The following TCAIM variants were observed in gnomAD, a reference collection of about 807,000 sequenced individuals.
The protein encoded by TCAIM is T cell activation inhibitor, mitochondrial.
A neutral mutation model predicts 58.6 loss-of-function variants in TCAIM; 36 were observed. That is an observed-to-expected ratio of 0.61 (90% CI 0.47 to 0.81). The LOEUF is 0.81. TCAIM is among the 30% of genes least tolerant of loss of function. TCAIM has a pLI of 0.00. For synonymous variants in TCAIM, 172 were observed against 193.6 expected (o/e 0.89, Z 0.93); for missense variants, 466 against 579.6 (o/e 0.80, Z 2.01).
At chr3:44,381,186 T>A (rs1358559175) in intron 5 of TCAIM, among the ~76,000 whole-genome samples, 1 of 152,172 alleles carries the variant, frequency 6.6e-6, no homozygotes. Flanking sequence ...ATCAGTGTGC[T>A]TTATGAACAT....
Position 44,408,951 on chromosome 3 carries a change from A to G in TCAIM, c.*1269A>G, listed in dbSNP as rs151290177. 1 of 152,254 alleles carries G rather than the reference A, an allele frequency of 6.6e-6. No individual in the cohort carries two copies. Among genetic ancestry groups the G allele is most frequent in the African/African-American group, 2.4e-5 (1 of 41,536 alleles). The allele number at this position is 152,254 out of a possible 1,614,324, so 9.4% of individuals were successfully genotyped here. ...TCGGGCAATATTTTTAACCAACCCA[A>G]AAGCTCTTCAGGTCATTTCTGAAGA... On this transcript the variant is annotated 3_prime_UTR_variant, in exon 11 of 11. Coordinates refer to ENST00000342649, the MANE Select transcript of TCAIM (RefSeq NM_173826.4).
intron 2 of TCAIM, among the ~76,000 whole-genome samples, chr3:44,356,907 C>T (rs912498573): frequency 6.7e-6 from 1 of 150,308 alleles, no homozygotes; most frequent in African/African-American, 2.5e-5. Context: ...ACCTGAGAGG[C>T]AGAAGATTGC....
intron 5 of TCAIM, among the ~76,000 whole-genome samples, chr3:44,389,057 C>T (rs1468801650): frequency 6.6e-6 from 1 of 152,162 alleles, no homozygotes. Context: ...TTTGGGAGGC[C>T]GAGGTGGGTG....
intron 5 of TCAIM, among the ~76,000 whole-genome samples, chr3:44,389,139 A>T (rs1008221547): frequency 6.6e-6 from 1 of 152,154 alleles, no homozygotes; most frequent in Non-Finnish European, 1.5e-5. Context: ...ATAATACAAA[A>T]ATTAGCCAGG....
chr3:44,369,258 ATTG>A (rs929519922), intron 5 of TCAIM, among the ~76,000 whole-genome samples: 27 of 152,208 alleles, frequency 1.8e-4, no homozygotes, highest in Admixed American at 1.1e-3. Flanking sequence ...GCGGGAGAAT[ATTG>A]TTGTACTTAT....
chr3:44,398,559 T>C (rs893042332), intron 8 of TCAIM, among the ~76,000 whole-genome samples: 11 of 152,038 alleles, frequency 7.2e-5, no homozygotes, highest in Non-Finnish European at 1.3e-4. Flanking sequence ...AGTTACATGC[T>C]GATAAGAATG....
intron 3 of TCAIM, among the ~76,000 whole-genome samples, chr3:44,360,561 C>T (rs1308430120): frequency 2.0e-5 from 3 of 149,860 alleles, no homozygotes; most frequent in Admixed American, 1.3e-4. Context: ...ATTCCTGTTT[C>T]GTTTACCCAG....
At chr3:44,347,400 A>G (rs11713835) in intron 1 of TCAIM, among the ~76,000 whole-genome samples, 100,082 of 152,080 alleles carry the variant, frequency 0.66, 33,655 homozygotes, top group East Asian at 0.97. Context: ...GAAGGCTTGC[A>G]GCAGTACAGC....
At chr3:44,349,549 AC>A (rs1553656339) in intron 1 of TCAIM, among the ~76,000 whole-genome samples, 4 of 151,898 alleles carry the variant, frequency 2.6e-5, no homozygotes, top group Non-Finnish European at 5.9e-5. Context: ...GGGGATACTT[AC>A]CCCCCAGGGG....
At chr3:44,387,643 C>A (rs540046651) in intron 5 of TCAIM, among the ~76,000 whole-genome samples, 1 of 152,262 alleles carries the variant, frequency 6.6e-6, no homozygotes, top group Non-Finnish European at 1.5e-5. Context: ...CACTCACACA[C>A]CCCTTGCCAC....
chr3:44,384,500 G>A (rs773083951), intron 5 of TCAIM, among the ~76,000 whole-genome samples: 1 of 152,176 alleles, frequency 6.6e-6, no homozygotes, highest in African/African-American at 2.4e-5. Context: ...CTTAAGACAC[G>A]TAGAGATAAA....
At chr3:44,383,389 C>T (rs1043449753) in intron 5 of TCAIM, among the ~76,000 whole-genome samples, 15 of 152,256 alleles carry the variant, frequency 9.9e-5, no homozygotes, top group African/African-American at 3.4e-4. Context: ...AATTCTGACA[C>T]AGGCTACAAC....
intron 3 of TCAIM, chr3:44,358,213 T>A: frequency 3.9e-6 from 6 of 1,550,230 alleles, no homozygotes; most frequent in Admixed American, 3.8e-5. Flanking sequence ...TTTTTTTTTT[T>A]AAGGATGATA....
intron 5 of TCAIM, among the ~76,000 whole-genome samples, chr3:44,388,367 A>G (rs777575608): frequency 1.1e-4 from 17 of 152,062 alleles, no homozygotes; most frequent in Non-Finnish European, 2.4e-4. Context: ...CTTGTCTTTC[A>G]TTACCTTGAT....
chr3:44,361,301 G>T, intron 3 of TCAIM, 64 bp from the exon 4 acceptor site: 1 of 1,362,192 alleles, frequency 7.3e-7, no homozygotes, highest in South Asian at 1.5e-5. Flanking sequence ...AGGTTAGATA[G>T]ATATCATTTC....
chr3:44,383,161 C>T (rs1437475598), intron 5 of TCAIM, among the ~76,000 whole-genome samples: 1 of 152,158 alleles, frequency 6.6e-6, no homozygotes, highest in Non-Finnish European at 1.5e-5. Context: ...AGTGCAGCTG[C>T]TATGGAAGAT....
chr3:44,400,759 A>G, intron 9 of TCAIM, 172 bp downstream of exon 9: 1 of 621,422 alleles, frequency 1.6e-6, no homozygotes, highest in Non-Finnish European at 2.8e-6. Flanking sequence ...CCAGCATGGG[A>G]GGATTGAAGG....
At chr3:44,393,679 T>C (rs1372110836) in intron 6 of TCAIM, among the ~76,000 whole-genome samples, 2 of 152,034 alleles carry the variant, frequency 1.3e-5, no homozygotes, top group African/African-American at 4.8e-5. Context: ...TTCTACCACT[T>C]TGGGAGGCCA....
Position 44,407,729 on chromosome 3 carries a change from A to G in TCAIM, c.*47A>G. 1 of 1,490,090 alleles carries G rather than the reference A, an allele frequency of 6.7e-7. No individual in the cohort carries two copies. Among genetic ancestry groups the G allele is most frequent in the Non-Finnish European group, 9.0e-7 (1 of 1,115,952 alleles). The allele number at this position is 1,490,090 out of a possible 1,614,324, so 92.3% of individuals were successfully genotyped here. On this transcript the variant is annotated 3_prime_UTR_variant, in exon 11 of 11. Transcript: ENST00000342649. ...TTTAAGAGATAAGAAAGGAACTTAAATTAAAAATATTTAAATCCACAATTT... is the reference window on the plus strand; with the variant it reads ...TTTAAGAGATAAGAAAGGAACTTAAGTTAAAAATATTTAAATCCACAATTT...
Sources: gnomAD v4.1 joint callset for allele counts (sites outside exome capture counted in the v4.1 genomes callset) on GRCh38, gnomAD v4.1.1 for gene constraint, MANE v1.5 for transcripts, NCBI Gene and HGNC (gene_info 2026-07-23, HGNC 2026-07-21) for gene names.